Variants in ZNF83 observed in about 807,000 individuals in gnomAD.
ZNF83 encodes zinc finger protein 816B.
For missense variants in ZNF83, 552 were observed against 629.9 expected, an observed-to-expected ratio of 0.88 and a Z score of 1.32; for synonymous variants, 209 against 213.0, an observed-to-expected ratio of 0.98 and a Z score of 0.17.
intron 2 of ZNF83, among the ~76,000 whole-genome samples, chr19:52,658,845 C>T (rs762723518): frequency 5.3e-5 from 8 of 152,164 alleles, no homozygotes; most frequent in Non-Finnish European, 8.8e-5. Context: ...GTATTTACTT[C>T]AGATCACAGT....
At chr19:52,667,209 A>G (rs2147298498) in intron 1 of ZNF83, among the ~76,000 whole-genome samples, 1 of 148,732 alleles carries the variant, frequency 6.7e-6, no homozygotes, top group Non-Finnish European at 1.5e-5. Context: ...TTGGGAAAGA[A>G]TGGTTATCAT....
At chr19:52,645,598 G>A (rs1685793863) in intron 3 of ZNF83, among the ~76,000 whole-genome samples, 1 of 152,162 alleles carries the variant, frequency 6.6e-6, no homozygotes, top group South Asian at 2.1e-4. Flanking sequence ...CCTGAGGTCA[G>A]GAGTTTAAGG....
intron 2 of ZNF83, among the ~76,000 whole-genome samples, chr19:52,615,008 C>T (rs1370116253): frequency 6.6e-6 from 1 of 152,098 alleles, no homozygotes; most frequent in African/African-American, 2.4e-5. Context: ...AAACTAATTG[C>T]AGAAAAGCCT....
intron 2 of ZNF83, chr19:52,617,004 AG>A (rs1396464385): frequency 6.6e-6 from 1 of 152,100 alleles, no homozygotes; most frequent in Non-Finnish European, 1.5e-5. Flanking sequence ...GGTCACAGGG[AG>A]GGAAGCAACA....
chr19:52,627,357 C>T (rs1555782686), intron 2 of ZNF83, among the ~76,000 whole-genome samples: 1 of 142,144 alleles, frequency 7.0e-6, no homozygotes, highest in African/African-American at 2.6e-5. Flanking sequence ...GAAGGAGAGG[C>T]ATAAAAAAGA....
At chr19:52,652,588 T>C in intron 3 of ZNF83, 1 of 435,390 alleles carries the variant, frequency 2.3e-6, no homozygotes, top group South Asian at 1.8e-5. Flanking sequence ...AGTTCACTGA[T>C]GAACTGCAAG....
At chr19:52,675,224 A>G (rs1191148775) in intron 1 of ZNF83, among the ~76,000 whole-genome samples, 1 of 152,186 alleles carries the variant, frequency 6.6e-6, no homozygotes, top group Admixed American at 6.5e-5. Context: ...CTTCTCAAAT[A>G]AGGACACCAG....
At chr19:52,628,558 A>G (rs915300278) in intron 2 of ZNF83, among the ~76,000 whole-genome samples, 1 of 152,038 alleles carries the variant, frequency 6.6e-6, no homozygotes, top group African/African-American at 2.4e-5. Context: ...GTGTTTAATC[A>G]TTGCAGGGAC....
At chr19:52,630,043 G>T (rs1344985667) in intron 2 of ZNF83, among the ~76,000 whole-genome samples, 1 of 152,194 alleles carries the variant, frequency 6.6e-6, no homozygotes, top group Non-Finnish European at 1.5e-5. Flanking sequence ...CCAGGAGCTT[G>T]CTACAAGTGC....
At chr19:52,658,136 CAAAAA>C (rs34503824) in intron 2 of ZNF83, among the ~76,000 whole-genome samples, 1 of 103,784 alleles carries the variant, frequency 9.6e-6, no homozygotes, top group Non-Finnish European at 2.1e-5. Context: ...AACTTCATCT[CAAAAA>C]AAAAAAAAAA....
intron 1 of ZNF83, among the ~76,000 whole-genome samples, chr19:52,688,107 G>A (rs375273551): frequency 1.8e-4 from 28 of 151,964 alleles, no homozygotes; most frequent in African/African-American, 6.5e-4. Flanking sequence ...ATACACAGAA[G>A]TCAACATGTC....
intron 1 of ZNF83, among the ~76,000 whole-genome samples, chr19:52,637,736 G>A (rs2061197970): frequency 6.6e-6 from 1 of 152,144 alleles, no homozygotes; most frequent in Non-Finnish European, 1.5e-5. Flanking sequence ...CTGGAGCTGG[G>A]CAGGCAAGAA....
chr19:52,641,968 T>G (rs1176413460), upstream of ZNF83, among the ~76,000 whole-genome samples: 2 of 152,206 alleles, frequency 1.3e-5, no homozygotes, highest in African/African-American at 4.8e-5. Context: ...GATAATAAAT[T>G]ATCACATTCT....
At chr19:52,651,683 C>CAAAAAAAA (rs58706352) in intron 3 of ZNF83, 2 of 117,282 alleles carry the variant, frequency 1.7e-5, no homozygotes, top group African/African-American at 3.2e-5. Flanking sequence ...GACTCTGTCT[C>CAAAAAAAA]AAAAAAAAAA....
chr19:52,624,282 A>G (rs981796485), intron 2 of ZNF83, among the ~76,000 whole-genome samples: 4 of 151,898 alleles, frequency 2.6e-5, no homozygotes, highest in Non-Finnish European at 1.5e-5. Context: ...GATATCAGGT[A>G]TCCCCCACCA....
intron 3 of ZNF83, among the ~76,000 whole-genome samples, chr19:52,645,481 G>C (rs1432543641): frequency 2.0e-5 from 3 of 152,158 alleles, no homozygotes; most frequent in African/African-American, 7.2e-5. Flanking sequence ...TTTCAGAAGT[G>C]ATTATGTATT....
intron 3 of ZNF83, chr19:52,652,931 C>A (rs1184725038): frequency 3.3e-6 from 4 of 1,196,150 alleles, no homozygotes; most frequent in African/African-American, 3.0e-5. Flanking sequence ...TAATGGTATA[C>A]AAAGGATGAC....
upstream of ZNF83, among the ~76,000 whole-genome samples, chr19:52,639,440 G>A (rs1280977631): frequency 1.0e-4 from 3 of 29,884 alleles, no homozygotes; most frequent in East Asian, 4.1e-3. Context: ...TTTTTTTGAG[G>A]CAGAGTTTTC....
At chr19:52,619,037 G>T in intron 2 of ZNF83, 1 of 1,609,076 alleles carries the variant, frequency 6.2e-7, no homozygotes, top group Non-Finnish European at 8.5e-7. Context: ...GAATTCTATG[G>T]CCACATCCCT....
Sources: gnomAD v4.1 joint callset for allele counts (sites outside exome capture counted in the v4.1 genomes callset) on GRCh38, gnomAD v4.1.1 for gene constraint, MANE v1.5 for transcripts, NCBI Gene and HGNC (gene_info 2026-07-23, HGNC 2026-07-21) for gene names.